Variants in LYPD6B observed in about 807,000 individuals in gnomAD.
The protein encoded by LYPD6B is LY6/PLAUR domain containing 6B, also known as ly6/PLAUR domain-containing protein 6B.
A neutral mutation model predicts 22.8 loss-of-function variants in LYPD6B; 17 were observed. That is an observed-to-expected ratio of 0.75 (90% CI 0.51 to 1.12). The LOEUF is 1.12. Among genes scored for constraint, LYPD6B ranks in the 50% most tolerant of loss-of-function variants. The pLI is 0.00. For missense variants in LYPD6B, 221 were observed against 258.3 expected (o/e 0.86, Z 0.99); for synonymous variants, 106 against 91.6 (o/e 1.16, Z -0.90).
At chr2:149,097,587 A>G (rs1685965398) in intron 1 of LYPD6B, among the ~76,000 whole-genome samples, 1 of 152,220 alleles carries the variant, frequency 6.6e-6, no homozygotes, top group African/African-American at 2.4e-5. Flanking sequence ...TCAGCCAGGT[A>G]GGAGTTAAAT....
chr2:149,175,525 A>T (rs933199011), intron 3 of LYPD6B, among the ~76,000 whole-genome samples: 8 of 152,086 alleles, frequency 5.3e-5, no homozygotes, highest in African/African-American at 1.9e-4. Context: ...TAAATTTATT[A>T]AAAATATTTT....
chr2:149,140,518 G>A (rs1051508174), intron 2 of LYPD6B, among the ~76,000 whole-genome samples: 1 of 152,198 alleles, frequency 6.6e-6, no homozygotes, highest in Non-Finnish European at 1.5e-5. Context: ...CATGGCAATT[G>A]AATCCTTGAT....
In LYPD6B at chr2:149,121,086, C is replaced by T. The variant is rs145983474; in HGVS notation, c.-66-9797C>T. 5.3e-5 allele frequency among the ~76,000 whole-genome samples: 8 copies of T among 152,250 alleles called. No homozygotes were observed. The East Asian group carries it at 1.5e-3, about 29-fold the overall frequency. On this transcript the variant is annotated intron_variant, in intron 1 of 6. Coordinates refer to ENST00000409642, the MANE Select transcript of LYPD6B (RefSeq NM_177964.5). ...CGATTACAGGTATGAGCGACCCCGC[C>T]TGGCAAAGTCTTAATGATATTTCAA...
chr2:149,153,561 G>A (rs908651433), intron 2 of LYPD6B, among the ~76,000 whole-genome samples: 2 of 152,142 alleles, frequency 1.3e-5, no homozygotes, highest in Non-Finnish European at 2.9e-5. Flanking sequence ...CGAATCACGA[G>A]ATCAGGAGAT....
At chr2:149,139,671 A>G (rs951634115) in intron 2 of LYPD6B, among the ~76,000 whole-genome samples, 1 of 152,198 alleles carries the variant, frequency 6.6e-6, no homozygotes, top group African/African-American at 2.4e-5. Flanking sequence ...CAACATAACT[A>G]CTTTAAAACA....
rs568552029 is a variant in LYPD6B, at chr2:149,132,492, G to A, written c.5+1539G>A. ...TCAATCTCTGGCAGCTCTAGTGGGT[G>A]TGGGGCCAAAGCCCAACATTTTGGC... On this transcript the variant is annotated intron_variant, in intron 2 of 6. Coordinates refer to ENST00000409642, the MANE Select transcript of LYPD6B (RefSeq NM_177964.5). Among the ~76,000 whole-genome samples the A allele has an allele frequency of 3.3e-5, 5 of 152,108 alleles. No individual in the cohort carries two copies. In the South Asian group the frequency reaches 1.0e-3, roughly 32 times the overall value.
chr2:149,107,716 T>C (rs1686546768), intron 1 of LYPD6B, among the ~76,000 whole-genome samples: 1 of 152,236 alleles, frequency 6.6e-6, no homozygotes, highest in Non-Finnish European at 1.5e-5. Context: ...TTTAACTCTA[T>C]TATATTCAAA....
intron 1 of LYPD6B, among the ~76,000 whole-genome samples, chr2:149,076,229 C>G (rs901624919): frequency 1.3e-5 from 2 of 152,152 alleles, no homozygotes; most frequent in African/African-American, 4.8e-5. Context: ...AGGGCTTTCT[C>G]TCCTGGCATG....
At position 149,053,034 on chromosome 2, in the gene LYPD6B, A is replaced by G. The variant is rs1683635617; in HGVS notation, c.-67+14233A>G. On this transcript the variant is annotated intron_variant, in intron 1 of 6. Coordinates refer to ENST00000409642, the MANE Select transcript of LYPD6B (RefSeq NM_177964.5). ...TGACATGTGGAAAGTGCAACTGAAG[A>G]GTTGAATTTTTTAATTTTGATGAAT... Among the ~76,000 whole-genome samples the G allele has an allele frequency of 2.0e-5, 3 of 152,122 alleles. 1 individual carries two copies. Among genetic ancestry groups the G allele is most frequent in the South Asian group, 4.1e-4 (2 of 4,832 alleles).
intron 3 of LYPD6B, among the ~76,000 whole-genome samples, chr2:149,204,099 T>C (rs1458458604): frequency 6.6e-6 from 1 of 152,266 alleles, no homozygotes; most frequent in Non-Finnish European, 1.5e-5. Context: ...TCCAGTATTT[T>C]CACAGAACTT....
chr2:149,210,737 G>A (rs1330490395), intron 5 of LYPD6B, among the ~76,000 whole-genome samples: 2 of 152,144 alleles, frequency 1.3e-5, no homozygotes, highest in Non-Finnish European at 2.9e-5. Flanking sequence ...GTCCCGTTCT[G>A]TATGAACACA....
Position 149,205,269 on chromosome 2 carries a change from C to G in LYPD6B, c.94C>G (p.Arg32Gly), listed in dbSNP as rs556085635. The change falls in exon 4 of 7, where the codon CGC becomes GGC. Residue 32 changes from arginine (R) to glycine (G), a missense_variant. Physicochemically the swap from Arg to Gly is moderately radical, Grantham distance 125. Transcript: ENST00000409642. ...TCACCATAGATATAAGAGTTCGGAC[C>G]GCCCAGCACACAAGGTCAGCATGCT... Reference protein sequence around the residue: ...FSFSRYKSSDRPAHKVSMLLL... With the variant: ...FSFSRYKSSDGPAHKVSMLLL... 5.6e-6 allele frequency: 9 copies of G among 1,612,184 alleles called. No individual in the cohort carries two copies. Among genetic ancestry groups the G allele is most frequent in the South Asian group, 1.1e-5 (1 of 90,732 alleles).
At chr2:149,108,496 A>G (rs1686605564) in intron 1 of LYPD6B, among the ~76,000 whole-genome samples, 1 of 152,172 alleles carries the variant, frequency 6.6e-6, no homozygotes, top group Non-Finnish European at 1.5e-5. Context: ...TATACTGCCT[A>G]ATGTTCATGT....
intron 1 of LYPD6B, among the ~76,000 whole-genome samples, chr2:149,129,870 G>T (rs1396271438): frequency 2.6e-5 from 4 of 152,208 alleles, no homozygotes; most frequent in Admixed American, 6.5e-5. Flanking sequence ...GCTGTTGAAT[G>T]GAGGTCAGCC....
In LYPD6B at chr2:149,143,006, G is replaced by A. The variant is rs373423017; in HGVS notation, c.5+12053G>A. The stretch of plus-strand genomic sequence containing the variant: ...CACATATACCCCACACTCAGTTTCT[G>A]CTATTATTCACATCTTACATCAGTT... On this transcript the variant is annotated intron_variant, in intron 2 of 6. Transcript: ENST00000409642. 3.5e-4 allele frequency among the ~76,000 whole-genome samples: 53 copies of A among 152,252 alleles called. No homozygotes were observed. In the South Asian group the frequency reaches 4.2e-3, roughly 12 times the overall value.
chr2:149,182,027 G>C (rs911754136), intron 3 of LYPD6B, among the ~76,000 whole-genome samples: 1 of 152,136 alleles, frequency 6.6e-6, no homozygotes, highest in Non-Finnish European at 1.5e-5. Context: ...GACCTCTTTG[G>C]TTATAGTTTC....
At chr2:149,093,444 C>T (rs1353051925) in intron 1 of LYPD6B, among the ~76,000 whole-genome samples, 3 of 152,104 alleles carry the variant, frequency 2.0e-5, no homozygotes, top group Non-Finnish European at 4.4e-5. Flanking sequence ...GCACAGTATT[C>T]GAAAAGGAAG....
At chr2:149,146,327 A>C (rs1689021773) in intron 2 of LYPD6B, among the ~76,000 whole-genome samples, 1 of 152,118 alleles carries the variant, frequency 6.6e-6, no homozygotes, top group African/African-American at 2.4e-5. Flanking sequence ...ATAGACAGGA[A>C]GACTAAGAGT....
At chr2:149,211,227 C>G (rs549043636) in intron 5 of LYPD6B, among the ~76,000 whole-genome samples, 5 of 152,122 alleles carry the variant, frequency 3.3e-5, no homozygotes, top group Admixed American at 2.6e-4. Flanking sequence ...ATCACCTCCC[C>G]TCTCCAACAT....
Sources: gnomAD v4.1 joint callset for allele counts (sites outside exome capture counted in the v4.1 genomes callset) on GRCh38, gnomAD v4.1.1 for gene constraint, MANE v1.5 for transcripts, NCBI Gene and HGNC (gene_info 2026-07-23, HGNC 2026-07-21) for gene names.